Variants in TSHZ2 observed in about 807,000 individuals in gnomAD.
The protein encoded by TSHZ2 is teashirt zinc finger homeobox 2.
Under a neutral mutation model 74.4 loss-of-function variants are expected in TSHZ2, and 21 were observed. That is an observed-to-expected ratio of 0.28 (90% CI 0.20 to 0.41). The LOEUF (loss-of-function observed/expected upper bound fraction) is 0.41. Ranked by LOEUF, TSHZ2 falls within the 10% of genes least tolerant of loss-of-function variation. TSHZ2 has a pLI of 1.00. For synonymous variants in TSHZ2, 540 were observed against 515.3 expected (o/e 1.05, Z -0.65); for missense variants, 1,244 against 1,293.5 (o/e 0.96, Z 0.59).
intron 1 of TSHZ2, among the ~76,000 whole-genome samples, chr20:53,010,112 C>A (rs34674088): frequency 2.0e-5 from 3 of 152,106 alleles, no homozygotes; most frequent in Non-Finnish European, 4.4e-5. Flanking sequence ...TACTGAGAAC[C>A]TACTCTAACC....
Position 53,256,666 on chromosome 20 carries a change from C to T in TSHZ2, c.*8+95C>T. 6.8e-7 allele frequency: 1 copy of T among 1,471,286 alleles called. No individual in the cohort carries two copies. The highest frequency in any genetic ancestry group is 9.0e-7 in the Non-Finnish European group (1 of 1,109,752). The allele number at this position is 1,471,286 out of a possible 1,614,324, so 91.1% of individuals were successfully genotyped here. A position where few individuals can be genotyped will look rare whatever the true frequency, so the allele number is the denominator to read the frequency against. On this transcript the variant is annotated intron_variant, in intron 2 of 2. Transcript: ENST00000371497. This position sits in a 1 kb window ranked among gnomAD's most constrained non-coding sequence, Gnocchi z 4.3. ...TAGAGGCAGCTAGCATCTCCCAATG[C>T]CAAGCAGGATAGTAGCTTGCTGGAG...
At chr20:53,431,016 G>A (rs1983829172) in intron 2 of TSHZ2, among the ~76,000 whole-genome samples, 1 of 152,002 alleles carries the variant, frequency 6.6e-6, no homozygotes, top group Non-Finnish European at 1.5e-5. Context: ...CAAAGTGCTG[G>A]GATTACAGGC....
In TSHZ2 at chr20:53,460,594, G is replaced by A. The variant is rs1421946535; in HGVS notation, c.*9-26550G>A. On this transcript the variant is annotated intron_variant, in intron 2 of 2. Coordinates refer to ENST00000371497, the MANE Select transcript of TSHZ2 (RefSeq NM_173485.6). ...AGCTTTGTTCCGTTGCTGGTGAGGA[G>A]CTGCGTTCCTTTGGAGGAGGAGAGG... Among the ~76,000 whole-genome samples the A allele has an allele frequency of 2.9e-4, 44 of 152,314 alleles. 1 individual carries two copies. The highest frequency in any genetic ancestry group is 2.2e-3 in the Admixed American group (34 of 15,296).
intron 2 of TSHZ2, among the ~76,000 whole-genome samples, chr20:53,460,461 CAA>C (rs979798532): frequency 6.6e-6 from 1 of 152,110 alleles, no homozygotes; most frequent in Non-Finnish European, 1.5e-5. Flanking sequence ...AAAGTTTTTT[CAA>C]AGTTTTCAAC....
intron 1 of TSHZ2, among the ~76,000 whole-genome samples, chr20:53,207,109 G>T (rs549336360): frequency 6.6e-6 from 1 of 152,230 alleles, no homozygotes; most frequent in Non-Finnish European, 1.5e-5. Flanking sequence ...GGATATAAAT[G>T]ATGCAGTTCA....
At chr20:53,128,704 C>T (rs778789844) in intron 1 of TSHZ2, among the ~76,000 whole-genome samples, 7 of 152,140 alleles carry the variant, frequency 4.6e-5, no homozygotes, top group Non-Finnish European at 7.3e-5. Context: ...TCACTGCAAC[C>T]TCCACCTCCC....
chr20:53,244,297 A>G (rs1252349826), intron 1 of TSHZ2, among the ~76,000 whole-genome samples: 3 of 152,330 alleles, frequency 2.0e-5, no homozygotes, highest in East Asian at 3.9e-4. Context: ...CGTATAGAAA[A>G]TAAGCATGCA....
At chr20:53,195,845 C>T (rs2123558141) in intron 1 of TSHZ2, among the ~76,000 whole-genome samples, 1 of 152,276 alleles carries the variant, frequency 6.6e-6, no homozygotes, top group East Asian at 1.9e-4. Flanking sequence ...TCTGCCCTCC[C>T]TCCTGCTCAG....
intron 1 of TSHZ2, among the ~76,000 whole-genome samples, chr20:53,176,615 G>T (rs544719647): frequency 1.3e-5 from 2 of 152,086 alleles, no homozygotes; most frequent in African/African-American, 4.8e-5. Flanking sequence ...AGAGTAACAG[G>T]ATATTAGTGA....
intron 1 of TSHZ2, among the ~76,000 whole-genome samples, chr20:52,980,435 A>G (rs991758497): frequency 2.6e-5 from 4 of 152,284 alleles, no homozygotes; most frequent in Admixed American, 2.0e-4. Flanking sequence ...AAGAAAAAAA[A>G]AAAAAGGCCA....
rs371673845 is a variant in TSHZ2, at chr20:53,253,836, C to T, written c.378C>T (p.Thr126=). 88 of 1,614,058 alleles carry T rather than the reference C, an allele frequency of 5.5e-5. No homozygotes were observed. Among genetic ancestry groups the T allele is most frequent in the Non-Finnish European group, 2.8e-5 (33 of 1,180,048 alleles). ...NEAHNCMDKM[T]AVYANILSDS... ...CACACAATTGCATGGATAAAATGAC[C>T]GCTGTCTACGCCAACATCCTGTCGG... is the stretch of plus-strand genomic sequence containing the variant. Residue 126 remains threonine, a synonymous_variant, in exon 2 of 3, where the codon ACC becomes ACT. Coordinates refer to ENST00000371497, the MANE Select transcript of TSHZ2 (RefSeq NM_173485.6).
intron 1 of TSHZ2, among the ~76,000 whole-genome samples, chr20:53,145,810 T>A (rs1568781569): frequency 6.6e-6 from 1 of 152,174 alleles, no homozygotes; most frequent in Non-Finnish European, 1.5e-5. Context: ...GAGAGGTACA[T>A]GCCTAGGAAA....
intron 2 of TSHZ2, among the ~76,000 whole-genome samples, chr20:53,462,420 G>C (rs767255794): frequency 2.6e-5 from 4 of 152,142 alleles, no homozygotes; most frequent in Non-Finnish European, 5.9e-5. Context: ...GTAAGAATTC[G>C]GTGGGGACAC....
chr20:53,185,635 A>G (rs1217634806), intron 1 of TSHZ2: 1 of 1,535,964 alleles, frequency 6.5e-7, no homozygotes, highest in Non-Finnish European at 8.7e-7. Context: ...AAGAAAAAAA[A>G]GAAAGAAAAG....
intron 2 of TSHZ2, among the ~76,000 whole-genome samples, chr20:53,460,323 CT>C (rs1347982396): frequency 1.3e-5 from 2 of 152,184 alleles, no homozygotes; most frequent in Admixed American, 1.3e-4. Context: ...GATACCCTTT[CT>C]TCCAGTTGAT....
chr20:53,478,780 G>A (rs973403203), intron 2 of TSHZ2, among the ~76,000 whole-genome samples: 1 of 152,074 alleles, frequency 6.6e-6, no homozygotes, highest in African/African-American at 2.4e-5. Flanking sequence ...TTTAGGACAA[G>A]CATTTTATAA....
chr20:53,391,471 T>C (rs368348098), intron 2 of TSHZ2, among the ~76,000 whole-genome samples: 16 of 151,516 alleles, frequency 1.1e-4, no homozygotes, highest in African/African-American at 3.9e-4. Context: ...TGTTTGTTTT[T>C]TGTTTTTGTT....
At chr20:53,102,040 C>T (rs183094052) in intron 1 of TSHZ2, among the ~76,000 whole-genome samples, 1 of 152,080 alleles carries the variant, frequency 6.6e-6, no homozygotes, top group East Asian at 1.9e-4. Context: ...CCAAGAAGAA[C>T]CTACATTATT....
chr20:53,117,890 T>C (rs1047162033), intron 1 of TSHZ2, among the ~76,000 whole-genome samples: 13 of 152,184 alleles, frequency 8.5e-5, no homozygotes, highest in African/African-American at 3.1e-4. Flanking sequence ...AATCTACCTG[T>C]CTCTCCATTA....
Sources: allele counts gnomAD v4.1 joint callset (sites outside exome capture counted in the v4.1 genomes callset), GRCh38; gene constraint gnomAD v4.1.1; non-coding constraint Gnocchi (gnomAD v3.1); transcripts MANE v1.5; gene names NCBI Gene and HGNC (gene_info 2026-07-23, HGNC 2026-07-21).